Variants in NMNAT2 observed in about 807,000 individuals in gnomAD.
NMNAT2 encodes nicotinamide/nicotinic acid mononucleotide adenylyltransferase 2.
A neutral mutation model predicts 41.6 loss-of-function variants in NMNAT2; 11 were observed. The observed-to-expected ratio is 0.26, with a 90% CI of 0.17 to 0.44. NMNAT2 has a LOEUF of 0.44. Among genes scored for constraint, NMNAT2 ranks in the 20% least tolerant of loss-of-function variants. NMNAT2 has a pLI of 1.00. For synonymous variants in NMNAT2, 148 were observed against 151.2 expected, an observed-to-expected ratio of 0.98 and a Z score of 0.16; for missense variants, 288 against 407.7, an observed-to-expected ratio of 0.71 and a Z score of 2.53.
At chr1:183,272,326 C>T (rs1043688417) in intron 8 of NMNAT2, among the ~76,000 whole-genome samples, 1 of 152,134 alleles carries the variant, frequency 6.6e-6, no homozygotes, top group Non-Finnish European at 1.5e-5. Flanking sequence ...ATAAAGAACT[C>T]GGGAATGCAG....
chr1:183,392,330 C>G (rs573777512), intron 1 of NMNAT2, among the ~76,000 whole-genome samples: 1 of 152,252 alleles, frequency 6.6e-6, no homozygotes, highest in African/African-American at 2.4e-5. Flanking sequence ...GCAAATCCAC[C>G]TACAAAATAT....
At chr1:183,375,188 C>T (rs1395671170) in intron 1 of NMNAT2, among the ~76,000 whole-genome samples, 2 of 152,118 alleles carry the variant, frequency 1.3e-5, no homozygotes. Flanking sequence ...TTACCACCTC[C>T]CTATTCAGAA....
At chr1:183,364,177 T>C (rs2102361216) in intron 1 of NMNAT2, among the ~76,000 whole-genome samples, 1 of 152,352 alleles carries the variant, frequency 6.6e-6, no homozygotes, top group South Asian at 2.1e-4. Context: ...TGCAAGACCT[T>C]GTGCTATGTA....
At chr1:183,415,967 C>T (rs1411163861) in intron 1 of NMNAT2, among the ~76,000 whole-genome samples, 1 of 152,072 alleles carries the variant, frequency 6.6e-6, no homozygotes, top group Non-Finnish European at 1.5e-5. Flanking sequence ...AATGGACATG[C>T]AAAGGACTTT....
chr1:183,256,204 G>A (rs1660512380), intron 10 of NMNAT2, among the ~76,000 whole-genome samples: 1 of 151,870 alleles, frequency 6.6e-6, no homozygotes. Flanking sequence ...TCAGGCGTTC[G>A]AGCCCAGTCT....
At position 183,418,279 on chromosome 1, in the gene NMNAT2, G is replaced by A; in HGVS notation, c.-12C>T. The A allele has an allele frequency of 3.7e-6, 6 of 1,613,388 alleles. No homozygotes were observed. The highest frequency in any genetic ancestry group is 5.1e-6 in the Non-Finnish European group (6 of 1,179,390). ...GTGGTCTCGGTCATGGTGCAGATGGGTCCTTCGCGGTGGTCTAGGGGTTGC... is the reference window on the plus strand; with the variant it reads ...GTGGTCTCGGTCATGGTGCAGATGGATCCTTCGCGGTGGTCTAGGGGTTGC... On this transcript the variant is annotated 5_prime_UTR_variant, in exon 1 of 11. Coordinates refer to ENST00000287713, the MANE Select transcript of NMNAT2 (RefSeq NM_015039.4).
At chr1:183,354,664 A>C (rs375145538) in intron 1 of NMNAT2, among the ~76,000 whole-genome samples, 2 of 151,792 alleles carry the variant, frequency 1.3e-5, no homozygotes, top group East Asian at 3.9e-4. Flanking sequence ...TGATCCTTCC[A>C]CCTCGGCCTC....
intron 1 of NMNAT2, among the ~76,000 whole-genome samples, chr1:183,387,695 G>A (rs1304548954): frequency 6.6e-6 from 1 of 152,184 alleles, no homozygotes; most frequent in Non-Finnish European, 1.5e-5. Flanking sequence ...TCTCTCTGAT[G>A]AAATGGCTTT....
At chr1:183,258,142 A>C (rs1399525264) in intron 10 of NMNAT2, among the ~76,000 whole-genome samples, 4 of 152,338 alleles carry the variant, frequency 2.6e-5, no homozygotes, top group African/African-American at 9.6e-5. Flanking sequence ...ACAGGTATAA[A>C]GGACTCCAGT....
At chr1:183,396,354 G>C (rs1444028728) in intron 1 of NMNAT2, among the ~76,000 whole-genome samples, 1 of 152,120 alleles carries the variant, frequency 6.6e-6, no homozygotes, top group Non-Finnish European at 1.5e-5. Context: ...GTTGCAGCCA[G>C]CACCAGGGAA....
chr1:183,289,102 G>A (rs1326860224), intron 4 of NMNAT2, among the ~76,000 whole-genome samples: 5 of 152,192 alleles, frequency 3.3e-5, no homozygotes, highest in African/African-American at 1.2e-4. Flanking sequence ...TGGAGTGTGG[G>A]GTGGTCAGGG....
chr1:183,274,357 G>C lies in NMNAT2; in HGVS notation c.651+4196C>G, dbSNP rs1046448675. 2.0e-5 allele frequency among the ~76,000 whole-genome samples: 3 copies of C among 151,992 alleles called. 1 individual carries two copies. In the South Asian group the frequency reaches 6.2e-4, roughly 32 times the overall value. On this transcript the variant is annotated intron_variant, in intron 8 of 10. Coordinates refer to ENST00000287713, the MANE Select transcript of NMNAT2 (RefSeq NM_015039.4). ...GACAGAATCTTGCTCTGTCACCCAGGCTGGAGTGCAATGGCACGATCTCTG... is the reference window on the plus strand; with the variant it reads ...GACAGAATCTTGCTCTGTCACCCAGCCTGGAGTGCAATGGCACGATCTCTG...
At chr1:183,278,795 C>T in intron 7 of NMNAT2, 166 bp from the exon 8 acceptor site, 2 of 598,540 alleles carry the variant, frequency 3.3e-6, no homozygotes, top group South Asian at 3.8e-5. Flanking sequence ...AGCAGAAACC[C>T]CTGCTCACCT....
At chr1:183,299,349 C>T (rs1389187216) in intron 1 of NMNAT2, among the ~76,000 whole-genome samples, 1 of 151,224 alleles carries the variant, frequency 6.6e-6, no homozygotes, top group East Asian at 1.9e-4. Flanking sequence ...GCACTCCAGC[C>T]TGGGTGACAC....
chr1:183,361,260 C>A (rs1457653466), intron 1 of NMNAT2, among the ~76,000 whole-genome samples: 1 of 152,172 alleles, frequency 6.6e-6, no homozygotes, highest in East Asian at 1.9e-4. Flanking sequence ...GGACCCTTAT[C>A]CTCCCCATCG....
Position 183,252,081 on chromosome 1 carries a change from G to A in NMNAT2, c.*560C>T, listed in dbSNP as rs202115633. On this transcript the variant is annotated 3_prime_UTR_variant, in exon 11 of 11. Coordinates refer to ENST00000287713, the MANE Select transcript of NMNAT2 (RefSeq NM_015039.4). ...AAGTAATACCACAGGAGCACATCAA[G>A]ACTACAAACATAAAGAACCATGGAC... 2 of 154,078 alleles carry A rather than the reference G, an allele frequency of 1.3e-5. No homozygotes were observed. The highest frequency in any genetic ancestry group is 1.4e-5 in the Non-Finnish European group (1 of 69,436). The allele number at this position is 154,078 out of a possible 1,614,324, so 9.5% of individuals were successfully genotyped here.
intron 10 of NMNAT2, among the ~76,000 whole-genome samples, chr1:183,260,357 A>G (rs1320636071): frequency 6.6e-6 from 1 of 152,244 alleles, no homozygotes; most frequent in Non-Finnish European, 1.5e-5. Flanking sequence ...AACATCTAAC[A>G]TTTAAAATTC....
intron 1 of NMNAT2, among the ~76,000 whole-genome samples, chr1:183,377,692 A>T (rs760561077): frequency 4.6e-5 from 7 of 152,220 alleles, no homozygotes; most frequent in Non-Finnish European, 1.0e-4. Flanking sequence ...CCTATACAAC[A>T]TGTTCAGTTT....
chr1:183,397,849 C>G (rs1648695646), intron 1 of NMNAT2, among the ~76,000 whole-genome samples: 1 of 152,152 alleles, frequency 6.6e-6, no homozygotes, highest in South Asian at 2.1e-4. Flanking sequence ...CCTTTACAGA[C>G]AAGCAAATGC....
Sources: gnomAD v4.1 joint callset for allele counts (sites outside exome capture counted in the v4.1 genomes callset) on GRCh38, gnomAD v4.1.1 for gene constraint, MANE v1.5 for transcripts, NCBI Gene and HGNC (gene_info 2026-07-23, HGNC 2026-07-21) for gene names.